RPTOR: variants seen among roughly 807,000 people sequenced by gnomAD.
RPTOR encodes the protein regulatory-associated protein of mTOR.
Under a neutral mutation model 169.9 loss-of-function variants are expected in RPTOR, and 21 were observed. The observed-to-expected ratio is 0.12, with a 90% confidence interval of 0.09 to 0.18. The LOEUF (loss-of-function observed/expected upper bound fraction) is 0.18. Among genes scored for constraint, RPTOR ranks in the 10% least tolerant of loss-of-function variants. RPTOR has a pLI of 1.00. For synonymous variants in RPTOR, 732 were observed against 753.2 expected (o/e 0.97, Z 0.46); for missense variants, 1,133 against 1,855.9 (o/e 0.61, Z 7.16).
At chr17:80,700,607 A>G (rs1422349990) in intron 3 of RPTOR, among the ~76,000 whole-genome samples, 18 of 117,284 alleles carry the variant, frequency 1.5e-4, no homozygotes, top group South Asian at 3.2e-4. Flanking sequence ...GATGGTGATG[A>G]TGGTGATGGT....
intron 6 of RPTOR, among the ~76,000 whole-genome samples, chr17:80,782,507 CGGTGTATTTAGCGG>C (rs2066951445): frequency 6.6e-6 from 1 of 151,986 alleles, no homozygotes; most frequent in South Asian, 2.1e-4. Context: ...TGAAAATAAA[CGGTGTATTTAGCGG>C]GAAACTAATG....
chr17:80,601,387 C>T (rs1241559167), intron 1 of RPTOR, among the ~76,000 whole-genome samples: 7 of 29,688 alleles, frequency 2.4e-4, no homozygotes, highest in Admixed American at 4.3e-4. Flanking sequence ...GCCGCAGCGC[C>T]GGCGGGCCGC....
chr17:80,627,848 T>G (rs1168986375), intron 2 of RPTOR, among the ~76,000 whole-genome samples: 1 of 151,884 alleles, frequency 6.6e-6, no homozygotes, highest in Non-Finnish European at 1.5e-5. Flanking sequence ...TTTTTTTTTT[T>G]TTTTTTGAGA....
intron 3 of RPTOR, among the ~76,000 whole-genome samples, chr17:80,702,958 G>A (rs146981848): frequency 2.2e-4 from 33 of 152,278 alleles, no homozygotes; most frequent in Middle Eastern, 3.4e-3. Context: ...TAAGTGAGAT[G>A]GAGCAGGAGG....
intron 3 of RPTOR, among the ~76,000 whole-genome samples, chr17:80,671,367 ACT>A (rs1275229631): frequency 6.6e-6 from 1 of 151,568 alleles, no homozygotes; most frequent in Non-Finnish European, 1.5e-5. Context: ...AAATCAAAAC[ACT>A]CTGTAATTAT....
chr17:80,950,057 C>T (rs751860074), intron 28 of RPTOR, among the ~76,000 whole-genome samples: 11 of 152,218 alleles, frequency 7.2e-5, no homozygotes, highest in Non-Finnish European at 1.3e-4. Context: ...TGCACCGCTG[C>T]ACGGCCTGGG....
In RPTOR at chr17:80,695,152, GC is replaced by G. The variant is rs2066025686; in HGVS notation, c.349-12688del. ...GGCAGGAGCGATGGCAGTGCCCACT[GC>G]ATGGTGGTAAGAGTGAGGCGGGTAG... is the stretch of plus-strand genomic sequence containing the variant. On this transcript the variant is annotated intron_variant, in intron 3 of 33. Transcript: ENST00000306801. This position sits in a 1 kb window ranked among gnomAD's most constrained non-coding sequence, Gnocchi z 4.9. Among the ~76,000 whole-genome samples, 1 of 152,162 alleles carries G rather than the reference GC, an allele frequency of 6.6e-6. No homozygotes were observed.
intron 6 of RPTOR, among the ~76,000 whole-genome samples, chr17:80,789,563 C>G (rs1005641143): frequency 6.6e-6 from 1 of 152,194 alleles, no homozygotes; most frequent in African/African-American, 2.4e-5. Flanking sequence ...GAGCCAGCCT[C>G]CGACTCGGGG....
At chr17:80,545,901 CG>C (rs1277075004) in intron 1 of RPTOR, 110 bp downstream of exon 1, 1 of 920,038 alleles carries the variant, frequency 1.1e-6, no homozygotes, top group African/African-American at 1.7e-5. Flanking sequence ...CCTAGCCACA[CG>C]TTGTAAGTCA....
Position 80,690,215 on chromosome 17 carries a change from C to G in RPTOR, c.349-17626C>G, listed in dbSNP as rs370266228. ...TCATCTGTGCCCCCACCCAGTCCCC[C>G]CTTCCCACTCCCCTGGCTGATTAGG... On this transcript the variant is annotated intron_variant, in intron 3 of 33. Coordinates refer to ENST00000306801, the MANE Select transcript of RPTOR (RefSeq NM_020761.3). 3.0e-3 allele frequency among the ~76,000 whole-genome samples: 455 copies of G among 152,224 alleles called. 1 individual carries two copies. Among genetic ancestry groups the G allele is most frequent in the Non-Finnish European group, 5.1e-3 (344 of 68,008 alleles).
intron 26 of RPTOR, among the ~76,000 whole-genome samples, 163 bp downstream of exon 26, chr17:80,945,944 C>T (rs557662805): frequency 5.3e-5 from 8 of 152,270 alleles, no homozygotes; most frequent in African/African-American, 1.4e-4. Context: ...CTCACCTTCT[C>T]CTCTTTGACC....
At chr17:80,821,270 A>G (rs1314437931) in intron 7 of RPTOR, among the ~76,000 whole-genome samples, 19 of 152,222 alleles carry the variant, frequency 1.2e-4, no homozygotes, top group Admixed American at 1.2e-3. Flanking sequence ...TAAGAAAAGA[A>G]GTTCACTGAA....
At chr17:80,661,018 C>CCT (rs1675128784) in intron 3 of RPTOR, among the ~76,000 whole-genome samples, 1 of 152,202 alleles carries the variant, frequency 6.6e-6, no homozygotes, top group Admixed American at 6.5e-5. Flanking sequence ...TTCTCTTGGG[C>CCT]CTGCTCATCT....
At chr17:80,940,723 C>A in intron 25 of RPTOR, 122 bp downstream of exon 25, 1 of 729,108 alleles carries the variant, frequency 1.4e-6, no homozygotes, top group Non-Finnish European at 2.3e-6. Context: ...CACTGTCCCA[C>A]GACAGACCCG....
intron 25 of RPTOR, among the ~76,000 whole-genome samples, chr17:80,944,744 A>G (rs1351822399): frequency 2.0e-5 from 3 of 152,192 alleles, no homozygotes; most frequent in African/African-American, 7.2e-5. Flanking sequence ...TAATCCCAGC[A>G]CTTTGAGAAG....
intron 2 of RPTOR, among the ~76,000 whole-genome samples, chr17:80,634,857 CG>C (rs2065492659): frequency 8.7e-6 from 1 of 114,532 alleles, no homozygotes; most frequent in Non-Finnish European, 1.8e-5. Context: ...GTGTGCATAC[CG>C]TGTGTGTGTG....
chr17:80,947,217 T>C lies in RPTOR; in HGVS notation c.3141-10T>C. ...TAATGACTTTTTTATTCCTCTCTTCTTCCCTTAAGCTTTTGGGACTGGGAG... is the reference window on the plus strand; with the variant it reads ...TAATGACTTTTTTATTCCTCTCTTCCTCCCTTAAGCTTTTGGGACTGGGAG... On this transcript the variant is annotated splice_polypyrimidine_tract_variant and intron_variant, in intron 26 of 33. Transcript: ENST00000306801. This position sits in a 1 kb window ranked among gnomAD's most constrained non-coding sequence, Gnocchi z 4.4. 1 of 1,577,522 alleles carries C rather than the reference T, an allele frequency of 6.3e-7. No individual in the cohort carries two copies. Among genetic ancestry groups the C allele is most frequent in the Non-Finnish European group, 8.6e-7 (1 of 1,166,450 alleles).
chr17:80,780,521 TC>T (rs1203752900), intron 6 of RPTOR, among the ~76,000 whole-genome samples: 2 of 152,194 alleles, frequency 1.3e-5, no homozygotes, highest in Non-Finnish European at 1.5e-5. Context: ...TCAGAGGCGG[TC>T]CGGGCTAGAA....
At chr17:80,658,659 A>G (rs1283465349) in intron 3 of RPTOR, among the ~76,000 whole-genome samples, 3 of 152,140 alleles carry the variant, frequency 2.0e-5, no homozygotes, top group Non-Finnish European at 4.4e-5. Context: ...TCCCCTGCTG[A>G]CGCTCATTGG....
Sources: allele counts gnomAD v4.1 joint callset (sites outside exome capture counted in the v4.1 genomes callset), GRCh38; gene constraint gnomAD v4.1.1; non-coding constraint Gnocchi (gnomAD v3.1); transcripts MANE v1.5; gene names NCBI Gene and HGNC (gene_info 2026-07-23, HGNC 2026-07-21).